Variants in SLCO3A1 observed in about 807,000 individuals in gnomAD.
The protein encoded by SLCO3A1 is PGE1 transporter.
SLCO3A1 carries 27 observed loss-of-function variants against 63.1 expected under a neutral mutation model. The observed-to-expected ratio is 0.43, with a 90% CI of 0.32 to 0.59. SLCO3A1 has a LOEUF of 0.59. SLCO3A1 is among the 20% of genes least tolerant of loss of function. The pLI, the probability that SLCO3A1 is intolerant of heterozygous loss-of-function variation, is 0.09. For missense variants in SLCO3A1, 773 were observed against 945.8 expected (o/e 0.82, Z 2.40); for synonymous variants, 473 against 409.9 (o/e 1.15, Z -1.86).
At chr15:91,864,635 T>A (rs1397645879) in intron 1 of SLCO3A1, among the ~76,000 whole-genome samples, 1 of 152,158 alleles carries the variant, frequency 6.6e-6, no homozygotes, top group Non-Finnish European at 1.5e-5. Context: ...AATACTTTTG[T>A]ATTTAAAAAT....
At chr15:91,981,988 A>G (rs1416591919) in intron 2 of SLCO3A1, among the ~76,000 whole-genome samples, 1 of 152,172 alleles carries the variant, frequency 6.6e-6, no homozygotes, top group African/African-American at 2.4e-5. Flanking sequence ...TGTCCCCAGC[A>G]CCACTTGTTG....
chr15:92,016,244 G>GAT (rs2046429434), intron 2 of SLCO3A1, among the ~76,000 whole-genome samples: 1 of 61,700 alleles, frequency 1.6e-5, no homozygotes, highest in African/African-American at 1.1e-4. Flanking sequence ...TAGATAGATA[G>GAT]ATAGATAGAT....
chr15:92,062,890 G>A (rs563841172), intron 2 of SLCO3A1, among the ~76,000 whole-genome samples: 3 of 152,244 alleles, frequency 2.0e-5, no homozygotes, highest in South Asian at 2.1e-4. Context: ...GGGCCTGCCC[G>A]CCTCCTGCAG....
chr15:91,984,892 G>GAAGT (rs2046031078), intron 2 of SLCO3A1, among the ~76,000 whole-genome samples: 1 of 152,060 alleles, frequency 6.6e-6, no homozygotes. Context: ...TTTTGGTGTT[G>GAAGT]TGTTTGTATT....
intron 2 of SLCO3A1, among the ~76,000 whole-genome samples, chr15:91,989,662 C>T (rs958139290): frequency 2.0e-5 from 3 of 152,226 alleles, no homozygotes; most frequent in Admixed American, 2.0e-4. Flanking sequence ...CAGGCAAGTC[C>T]ACATTTGGCT....
At chr15:92,004,768 A>G (rs1182602714) in intron 2 of SLCO3A1, among the ~76,000 whole-genome samples, 2 of 152,224 alleles carry the variant, frequency 1.3e-5, no homozygotes, top group African/African-American at 4.8e-5. Context: ...CAAATGCATT[A>G]GTCCCGACTG....
intron 2 of SLCO3A1, among the ~76,000 whole-genome samples, chr15:92,004,992 A>G (rs1056060584): frequency 1.3e-5 from 2 of 152,216 alleles, no homozygotes; most frequent in African/African-American, 4.8e-5. Flanking sequence ...AAACTCTCTT[A>G]TTGAACCCTA....
chr15:92,044,061 C>T (rs933596906), intron 2 of SLCO3A1, among the ~76,000 whole-genome samples: 2 of 152,154 alleles, frequency 1.3e-5, no homozygotes, highest in Non-Finnish European at 2.9e-5. Context: ...CTACTCTTGC[C>T]GTAACTGTAT....
intron 2 of SLCO3A1, among the ~76,000 whole-genome samples, chr15:92,019,082 C>T (rs184808233): frequency 0.019 from 1,840 of 97,668 alleles, 49 homozygotes; most frequent in African/African-American, 0.073. Flanking sequence ...GGGGCTGATG[C>T]GCGGTTCCTA....
downstream of SLCO3A1, among the ~76,000 whole-genome samples, chr15:92,168,949 A>G (rs905316568): frequency 6.6e-6 from 1 of 152,248 alleles, no homozygotes; most frequent in Admixed American, 6.5e-5. Context: ...TAGAAAAAGA[A>G]GAGTGATTCC....
At position 92,164,058 on chromosome 15, in the gene SLCO3A1, T is replaced by C. The variant is rs993492917; in HGVS notation, c.*923T>C. On this transcript the variant is annotated 3_prime_UTR_variant, in exon 10 of 10. Coordinates refer to ENST00000318445, the MANE Select transcript of SLCO3A1 (RefSeq NM_013272.4). ...TTAAAAGAAAAAAATACAATCCATA[T>C]GAATTTCAAACTGTTGTATGTATAA... is the stretch of plus-strand genomic sequence containing the variant. 1.0e-6 allele frequency: 1 copy of C among 983,886 alleles called. No homozygotes were observed. The highest frequency in any genetic ancestry group is 1.7e-5 in the African/African-American group (1 of 57,214). 60.9% of individuals were successfully genotyped at this position (983,886 alleles called of 1,614,324 possible).
chr15:92,108,801 C>A (rs904723712), intron 4 of SLCO3A1, among the ~76,000 whole-genome samples: 1 of 152,128 alleles, frequency 6.6e-6, no homozygotes, highest in African/African-American at 2.4e-5. Context: ...CTGGGCTGGA[C>A]TGTTTCTCAC....
intron 2 of SLCO3A1, among the ~76,000 whole-genome samples, chr15:92,030,080 G>A (rs941727960): frequency 3.3e-5 from 5 of 152,130 alleles, no homozygotes; most frequent in East Asian, 1.9e-4. Context: ...TCTTGAACAC[G>A]GGCTCTGCCC....
chr15:92,043,820 A>G (rs1332594460), intron 2 of SLCO3A1, among the ~76,000 whole-genome samples: 3 of 152,334 alleles, frequency 2.0e-5, no homozygotes, highest in Non-Finnish European at 2.9e-5. Context: ...GGTCGAAATT[A>G]TAACCCTCCT....
chr15:92,121,564 G>GT (rs2047862912), intron 5 of SLCO3A1, among the ~76,000 whole-genome samples: 1 of 152,312 alleles, frequency 6.6e-6, no homozygotes, highest in South Asian at 2.1e-4. Context: ...CAGCCGAGGG[G>GT]TCAAGAAGGG....
Position 91,861,474 on chromosome 15 carries a change from G to A in SLCO3A1, c.180+7386G>A, listed in dbSNP as rs115390316. On this transcript the variant is annotated intron_variant, in intron 1 of 9. Coordinates refer to ENST00000318445, the MANE Select transcript of SLCO3A1 (RefSeq NM_013272.4). ...TAGTAGAAACGGTGTTAACAGCCTC[G>A]TTATTTCCCATATGACTGGGCATTC... 9.9e-3 allele frequency among the ~76,000 whole-genome samples: 1,504 copies of A among 151,680 alleles called. 25 individuals are homozygous for A. Among genetic ancestry groups the A allele is most frequent in the African/African-American group, 0.032 (1,301 of 40,954 alleles).
chr15:91,975,103 T>A (rs994364019), intron 2 of SLCO3A1, among the ~76,000 whole-genome samples: 11 of 152,330 alleles, frequency 7.2e-5, no homozygotes, highest in South Asian at 4.1e-4. Context: ...CCTGGAATGG[T>A]GCCTAGAATA....
intron 4 of SLCO3A1, among the ~76,000 whole-genome samples, chr15:92,104,966 G>A (rs117713534): frequency 0.023 from 3,431 of 149,738 alleles, 59 homozygotes; most frequent in Non-Finnish European, 0.038. Context: ...AGCCGGGCGC[G>A]GTGGCTGTAA....
rs143876743 is a variant in SLCO3A1 at position 92,070,350 on chromosome 15, T to G, written c.647-24531T>G. On this transcript the variant is annotated intron_variant, in intron 2 of 9. Coordinates refer to ENST00000318445, the MANE Select transcript of SLCO3A1 (RefSeq NM_013272.4). The stretch of plus-strand genomic sequence containing the variant: ...CATCTTTCAAAAACATGTCTTGAAA[T>G]AATTACGGAGGGTCGGGTGCGGTGG... 7.5e-4 allele frequency among the ~76,000 whole-genome samples: 114 copies of G among 152,324 alleles called. 1 individual carries two copies. The highest frequency in any genetic ancestry group is 2.5e-3 in the African/African-American group (103 of 41,574).
Sources: allele counts gnomAD v4.1 joint callset (sites outside exome capture counted in the v4.1 genomes callset), GRCh38; gene constraint gnomAD v4.1.1; transcripts MANE v1.5; gene names NCBI Gene and HGNC (gene_info 2026-07-23, HGNC 2026-07-21).